Variants in SPPL2A observed in about 807,000 individuals in gnomAD.
SPPL2A encodes the protein signal peptide peptidase like 2A, also known as signal peptide peptidase-like 2A.
Under a neutral mutation model 63.8 loss-of-function variants are expected in SPPL2A, and 51 were observed. The observed-to-expected ratio is 0.80, with a 90% CI of 0.64 to 1.01. SPPL2A has a LOEUF of 1.01. Ranked by LOEUF, SPPL2A falls within the 50% of genes least tolerant of loss-of-function variation. SPPL2A has a pLI of 0.00. For missense variants in SPPL2A, 553 were observed against 622.7 expected (o/e 0.89, Z 1.19); for synonymous variants, 188 against 205.8 (o/e 0.91, Z 0.74).
intron 10 of SPPL2A, among the ~76,000 whole-genome samples, chr15:50,728,989 T>C (rs1291313108): frequency 1.3e-5 from 2 of 152,072 alleles, no homozygotes; most frequent in Non-Finnish European, 2.9e-5. Flanking sequence ...AATTTTTGTA[T>C]TTTTAGTAGA....
intron 14 of SPPL2A, among the ~76,000 whole-genome samples, chr15:50,718,467 T>C (rs980992334): frequency 6.6e-6 from 1 of 152,198 alleles, no homozygotes; most frequent in Non-Finnish European, 1.5e-5. Flanking sequence ...ATTAGCATAG[T>C]GTATATCATA....
rs374946396 is a variant in SPPL2A at position 50,726,726 on chromosome 15, A to C, written c.1090-349T>G. 1.9e-3 allele frequency among the ~76,000 whole-genome samples: 293 copies of C among 152,360 alleles called. 1 individual carries two copies. The highest frequency in any genetic ancestry group is 0.011 in the South Asian group (51 of 4,830). ...TTTTAGGTACAGTACTTTTAGTTAC[A>C]TTATGCCTTATACTATATGTTCTTA... On this transcript the variant is annotated intron_variant, in intron 10 of 14. Transcript: ENST00000261854.
chr15:50,762,121 A>G (rs146051915), intron 1 of SPPL2A, among the ~76,000 whole-genome samples: 4,371 of 152,020 alleles, frequency 0.029, 80 homozygotes, highest in Middle Eastern at 0.1. Context: ...TAATCCCAGC[A>G]CTTTGGGAGG....
chr15:50,745,569 G>A (rs1448516771), intron 5 of SPPL2A, among the ~76,000 whole-genome samples: 4 of 90,660 alleles, frequency 4.4e-5, no homozygotes, highest in Non-Finnish European at 6.5e-5. Context: ...TTTTTTTTTA[G>A]TAGGGTCTCA....
chr15:50,725,658 T>G (rs1053977360), intron 11 of SPPL2A: 2 of 210,802 alleles, frequency 9.5e-6, no homozygotes, highest in Admixed American at 1.1e-4. Flanking sequence ...CTCAAACTCC[T>G]GACCTCAGGT....
At chr15:50,734,225 C>T (rs1056204082) in intron 8 of SPPL2A, among the ~76,000 whole-genome samples, 4 of 151,982 alleles carry the variant, frequency 2.6e-5, no homozygotes, top group Admixed American at 1.3e-4. Flanking sequence ...TCGCCATAGC[C>T]AAGATATGGA....
chr15:50,737,229 C>T (rs1179999167), intron 6 of SPPL2A, among the ~76,000 whole-genome samples: 3 of 151,750 alleles, frequency 2.0e-5, no homozygotes, highest in East Asian at 1.9e-4. Flanking sequence ...TTTTAAATAG[C>T]GATGAATTTA....
chr15:50,731,344 G>A (rs1418900177), intron 9 of SPPL2A, among the ~76,000 whole-genome samples: 1 of 151,522 alleles, frequency 6.6e-6, no homozygotes, highest in Admixed American at 6.6e-5. Context: ...TCAAGAGTTC[G>A]AGACCAGCCT....
chr15:50,716,756 T>C (rs2062602160), intron 14 of SPPL2A, among the ~76,000 whole-genome samples: 1 of 152,192 alleles, frequency 6.6e-6, no homozygotes. Context: ...CCCCTAATAA[T>C]AGAAATCTCT....
chr15:50,761,769 CT>C (rs2141065772), intron 1 of SPPL2A, among the ~76,000 whole-genome samples: 1 of 151,784 alleles, frequency 6.6e-6, no homozygotes, highest in South Asian at 2.1e-4. Flanking sequence ...AACCCCGTTT[CT>C]TCTAAAATAC....
intron 1 of SPPL2A, among the ~76,000 whole-genome samples, chr15:50,758,271 AGAGC>A (rs1159314896): frequency 6.7e-6 from 1 of 148,554 alleles, no homozygotes; most frequent in Non-Finnish European, 1.5e-5. Context: ...CCTGGGCGAC[AGAGC>A]GAGACTCCAT....
chr15:50,759,331 A>T (rs531332402), intron 1 of SPPL2A, among the ~76,000 whole-genome samples: 3 of 152,332 alleles, frequency 2.0e-5, no homozygotes. Flanking sequence ...CTGTAATCCT[A>T]GCATTTTGAG....
chr15:50,725,304 A>G lies in SPPL2A; in HGVS notation c.1166T>C (p.Val389Ala), dbSNP rs2062677389. 6.3e-7 allele frequency: 1 copy of G among 1,588,722 alleles called. No individual in the cohort carries two copies. Among genetic ancestry groups the G allele is most frequent in the South Asian group, 1.1e-5 (1 of 88,762 alleles). ...TACTGAGAAATAGATCAGTTTTGGTACTCTGATGACTACTGGCAACTGTTC... is the reference window on the plus strand; with the variant it reads ...TACTGAGAAATAGATCAGTTTTGGTGCTCTGATGACTACTGGCAACTGTTC... The part of the protein sequence containing the change: ...NNEKLPVVIR[V>A]PKLIYFSVMS... Residue 389 changes from valine to alanine, a missense_variant, in exon 12 of 15, where the codon GTA becomes GCA. Transcript: ENST00000261854.
chr15:50,726,250 G>A, intron 11 of SPPL2A, 71 bp downstream of exon 11: 2 of 1,543,346 alleles, frequency 1.3e-6, no homozygotes, highest in Admixed American at 1.7e-5. Flanking sequence ...GAATTACACA[G>A]GAAGGCAAAT....
chr15:50,731,926 T>TA (rs78390175), intron 9 of SPPL2A, among the ~76,000 whole-genome samples: 1 of 28,248 alleles, frequency 3.5e-5, no homozygotes, highest in African/African-American at 1.2e-4. Flanking sequence ...AGACTCCATC[T>TA]CAAAAAAAAA....
At chr15:50,731,860 G>A (rs113357564) in intron 9 of SPPL2A, among the ~76,000 whole-genome samples, 8,657 of 139,834 alleles carry the variant, frequency 0.062, 904 homozygotes, top group African/African-American at 0.22. Context: ...CTCAGAAGGC[G>A]GAGGCTGCAG....
chr15:50,710,000 G>C (rs116029778), intron 14 of SPPL2A, among the ~76,000 whole-genome samples: 1 of 152,196 alleles, frequency 6.6e-6, no homozygotes, highest in African/African-American at 2.4e-5. Flanking sequence ...ATAAGATGAA[G>C]ATGTTGAACA....
chr15:50,747,678 A>G (rs1029157006), intron 4 of SPPL2A, 50 bp from the exon 5 acceptor site: 8 of 1,412,644 alleles, frequency 5.7e-6, no homozygotes, highest in East Asian at 2.3e-5. Flanking sequence ...TCTTTCTACT[A>G]TAGTCATAAC....
At chr15:50,719,830 C>T (rs1199738465) in intron 14 of SPPL2A, 110 bp downstream of exon 14, 4 of 689,552 alleles carry the variant, frequency 5.8e-6, no homozygotes, top group African/African-American at 3.6e-5. Context: ...GGGGGTATTA[C>T]AGTACTTTTT....
Sources: gnomAD v4.1 joint callset for allele counts (sites outside exome capture counted in the v4.1 genomes callset) on GRCh38, gnomAD v4.1.1 for gene constraint, MANE v1.5 for transcripts, NCBI Gene and HGNC (gene_info 2026-07-23, HGNC 2026-07-21) for gene names.